The following CAMKK2 variants were observed in gnomAD, a reference collection of about 807,000 sequenced individuals.
CAMKK2 encodes calcium/calmodulin-dependent protein kinase kinase 2.
CAMKK2 carries 30 observed loss-of-function variants against 67.2 expected under a neutral mutation model. The observed-to-expected ratio is 0.45, with a 90% CI of 0.33 to 0.61. CAMKK2 has a LOEUF of 0.61. Among genes scored for constraint, CAMKK2 ranks in the 20% least tolerant of loss-of-function variants. The probability of loss-of-function intolerance (pLI) is 0.02; values close to 1 mark genes in which losing one functional copy is unlikely to be tolerated. For synonymous variants in CAMKK2, 322 were observed against 326.2 expected (o/e 0.99, Z 0.14); for missense variants, 643 against 802.0 (o/e 0.80, Z 2.39).
At chr12:121,254,597 G>A (rs546845507) in intron 9 of CAMKK2, among the ~76,000 whole-genome samples, 27 of 152,322 alleles carry the variant, frequency 1.8e-4, no homozygotes, top group South Asian at 6.2e-4. Flanking sequence ...TAAGGTTCCA[G>A]GAGGTGAACA....
intron 2 of CAMKK2, among the ~76,000 whole-genome samples, chr12:121,271,236 T>C (rs1299511581): frequency 2.0e-5 from 3 of 148,644 alleles, no homozygotes; most frequent in Admixed American, 1.3e-4. Context: ...ATTGCACCAT[T>C]GCACTCCAGC....
In CAMKK2 at chr12:121,268,083, CATATATAT is replaced by C. The variant is rs71850101; in HGVS notation, c.625+547_625+554del. ...TGGCTGAATAATATTCCATTGGATG[CATATATAT>C]ATATATATACTCTATTCATATTACT... On this transcript the variant is annotated intron_variant, in intron 5 of 16. Transcript: ENST00000404169. 1.2e-3 allele frequency among the ~76,000 whole-genome samples: 114 copies of C among 97,020 alleles called. 9 individuals carry two copies. Among genetic ancestry groups the C allele is most frequent in the East Asian group, 2.6e-4 (1 of 3,804 alleles). The allele number at this position is 97,020 out of a possible 152,430, so 63.6% of individuals were successfully genotyped here. A position where few individuals can be genotyped will look rare whatever the true frequency, so the allele number is the denominator to read the frequency against.
At chr12:121,270,988 T>G (rs1297534353) in intron 2 of CAMKK2, 43 bp from the exon 3 acceptor site, 1 of 1,564,970 alleles carries the variant, frequency 6.4e-7, no homozygotes, top group Admixed American at 1.7e-5. Context: ...ATTTTAAGTT[T>G]GCAACTAGAG....
At chr12:121,266,417 A>C (rs1051540175) in intron 5 of CAMKK2, among the ~76,000 whole-genome samples, 2 of 152,162 alleles carry the variant, frequency 1.3e-5, no homozygotes, top group Non-Finnish European at 2.9e-5. Flanking sequence ...GATGTCAAAA[A>C]TTGATAATAG....
In CAMKK2 at chr12:121,274,213, G is replaced by A; in HGVS notation, c.314C>T (p.Ser105Phe). The A allele has an allele frequency of 1.2e-6, 2 of 1,605,604 alleles. No individual in the cohort carries two copies. Among genetic ancestry groups the A allele is most frequent in the Non-Finnish European group, 1.7e-6 (2 of 1,174,546 alleles). ...SGRKLSLQER[S>F]QGGLAAGGSL... ...GCCACCGGCTGCCAGCCCACCCTGG[G>A]ACCGCTCTTGCAGAGACAGCTTGCG... Residue 105 changes from serine (S) to phenylalanine (F), a missense_variant, in exon 2 of 17, where the codon TCC becomes TTC. Physicochemically the swap from Ser to Phe is radical, Grantham distance 155. This residue lies in a region of CAMKK2 where 483 missense variants were observed against 625.8 expected (regional missense o/e 0.77). Coordinates refer to ENST00000404169, the MANE Select transcript of CAMKK2 (RefSeq NM_001270485.2).
At chr12:121,281,819 G>A (rs1151889) in intron 1 of CAMKK2, among the ~76,000 whole-genome samples, 3,826 of 152,252 alleles carry the variant, frequency 0.025, 141 homozygotes, top group African/African-American at 0.079. Flanking sequence ...GGTGGCGGGC[G>A]CCTGTAATCT....
intron 1 of CAMKK2, among the ~76,000 whole-genome samples, chr12:121,286,528 T>G (rs748999742): frequency 6.6e-6 from 1 of 152,252 alleles, no homozygotes; most frequent in Non-Finnish European, 1.5e-5. Context: ...GATACTGTTT[T>G]GTTTGGTTTG....
chr12:121,275,874 A>T (rs1445111575), intron 1 of CAMKK2, among the ~76,000 whole-genome samples: 1 of 152,186 alleles, frequency 6.6e-6, no homozygotes, highest in Non-Finnish European at 1.5e-5. Context: ...TCAATTTTTT[A>T]AAAAAGGCCA....
chr12:121,274,040 C>T lies in CAMKK2; in HGVS notation c.471+16G>A. 6.8e-7 allele frequency: 1 copy of T among 1,466,456 alleles called. No individual in the cohort carries two copies. Among genetic ancestry groups the T allele is most frequent in the Non-Finnish European group, 9.0e-7 (1 of 1,105,488 alleles). The allele number at this position is 1,466,456 out of a possible 1,614,324, so 90.8% of individuals were successfully genotyped here. On this transcript the variant is annotated intron_variant, in intron 2 of 16. Coordinates refer to ENST00000404169, the MANE Select transcript of CAMKK2 (RefSeq NM_001270485.2). ...CCAGGGACCCCTAGGACCTGGCTCA[C>T]CACCGGCTCACGCACCTGCATACCC...
intron 1 of CAMKK2, among the ~76,000 whole-genome samples, 198 bp from the exon 2 acceptor site, chr12:121,274,783 T>C (rs942911691): frequency 6.7e-6 from 1 of 150,298 alleles, no homozygotes; most frequent in Admixed American, 6.7e-5. Flanking sequence ...ATTTTTTCTT[T>C]TATTATTTTT....
At chr12:121,244,238 C>T in intron 16 of CAMKK2, 1 of 1,132,988 alleles carries the variant, frequency 8.8e-7, no homozygotes, top group Non-Finnish European at 1.3e-6. Flanking sequence ...GGGGGGGCAC[C>T]CATGGGCCCT....
intron 1 of CAMKK2, among the ~76,000 whole-genome samples, chr12:121,279,816 C>G (rs987835879): frequency 2.0e-5 from 3 of 152,216 alleles, no homozygotes; most frequent in African/African-American, 7.2e-5. Context: ...GACCCGGGAC[C>G]CGGGCCAGGA....
At position 121,274,298 on chromosome 12, in the gene CAMKK2, C is replaced by T. The variant is rs775392999; in HGVS notation, c.229G>A (p.Asp77Asn). The change falls in exon 2 of 17, where the codon GAT becomes AAT. Residue 77 changes from aspartate to asparagine, a missense_variant. Physicochemically the swap from Asp to Asn is conservative, Grantham distance 23. Coordinates refer to ENST00000404169, the MANE Select transcript of CAMKK2 (RefSeq NM_001270485.2). ...GLARDRPLEA[D>N]GQEVPLDTSG... ...GTGTCAAGGGGGACCTCTTGGCCAT[C>T]GGCCTCCAGGGGCCGGTCCCGCGCC... is the stretch of plus-strand genomic sequence containing the variant. The T allele has an allele frequency of 3.2e-5, 51 of 1,612,300 alleles. No individual in the cohort carries two copies. In the South Asian group the frequency reaches 4.6e-4, roughly 15 times the overall value.
intron 1 of CAMKK2, among the ~76,000 whole-genome samples, chr12:121,281,286 G>T (rs1047433468): frequency 1.3e-5 from 2 of 152,238 alleles, no homozygotes; most frequent in Non-Finnish European, 2.9e-5. Flanking sequence ...GCAGCAAGCT[G>T]CCAGTGGGTG....
rs1250585729 is a variant in CAMKK2, at chr12:121,285,521, T to C, written c.-59-10936A>G. On this transcript the variant is annotated intron_variant, in intron 1 of 16. Coordinates refer to ENST00000404169, the MANE Select transcript of CAMKK2 (RefSeq NM_001270485.2). The surrounding 1 kb of genome is among the most constrained non-coding windows in gnomAD (Gnocchi z 4.1). ...TTATCTAAAAAAGAAACAGAGTAGA[T>C]GTGTGGGCCAGGCATGGTGGCTCAC... Among the ~76,000 whole-genome samples, 5 of 151,438 alleles carry C rather than the reference T, an allele frequency of 3.3e-5. No homozygotes were observed. In the East Asian group the frequency reaches 5.9e-4, roughly 18 times the overall value.
rs904370658 is a variant in CAMKK2, at chr12:121,296,647, G to GCGCCGC, written c.-75_-70dup. 1 of 151,306 alleles carries GCGCCGC rather than the reference G, an allele frequency of 6.6e-6. No individual in the cohort carries two copies. The highest frequency in any genetic ancestry group is 2.4e-5 in the African/African-American group (1 of 41,298). 9.4% of individuals were successfully genotyped at this position (151,306 alleles called of 1,614,324 possible). ...GCTACCGCCAGCTCACCTGGGCTCC[G>GCGCCGC]CGCCGCCGCCGCCTCCCGCGCTCTG... On this transcript the variant is annotated 5_prime_UTR_variant, in exon 1 of 17. Transcript: ENST00000404169. The surrounding 1 kb of genome is among the most constrained non-coding windows in gnomAD (Gnocchi z 7.1).
At chr12:121,272,318 G>A (rs779261503) in intron 2 of CAMKK2, among the ~76,000 whole-genome samples, 30 of 152,142 alleles carry the variant, frequency 2.0e-4, no homozygotes, top group Non-Finnish European at 3.1e-4. Context: ...ACTGTGGTAC[G>A]TCCATACAAT....
rs73405732 is a variant in CAMKK2, at chr12:121,277,626, C to T, written c.-59-3041G>A. ...TACGCTAAGTGAAGCAAGCCAGATA[C>T]TAAAGGACAAGTGTTGTAAGATTTC... On this transcript the variant is annotated intron_variant, in intron 1 of 16. Coordinates refer to ENST00000404169, the MANE Select transcript of CAMKK2 (RefSeq NM_001270485.2). 9.0e-3 allele frequency among the ~76,000 whole-genome samples: 1,363 copies of T among 152,120 alleles called. 22 individuals are homozygous for T. The highest frequency in any genetic ancestry group is 0.031 in the African/African-American group (1,293 of 41,366).
chr12:121,241,572 C>G (rs1236137316), intron 16 of CAMKK2, among the ~76,000 whole-genome samples: 1 of 152,224 alleles, frequency 6.6e-6, no homozygotes, highest in East Asian at 1.9e-4. Flanking sequence ...AATCCCCGAG[C>G]CTATCCCCTC....
Sources: allele counts gnomAD v4.1 joint callset (sites outside exome capture counted in the v4.1 genomes callset), GRCh38; gene constraint gnomAD v4.1.1; regional missense constraint gnomAD v4.1.1; non-coding constraint Gnocchi (gnomAD v3.1); transcripts MANE v1.5; gene names NCBI Gene and HGNC (gene_info 2026-07-23, HGNC 2026-07-21).